The following MRNIP variants were observed in gnomAD, a reference collection of about 807,000 sequenced individuals.
The protein encoded by MRNIP is MRN complex interacting protein, also known as MRN complex-interacting protein.
MRNIP carries 30 observed loss-of-function variants against 29.8 expected under a neutral mutation model. The ratio of observed to expected loss-of-function variants is 1.01; its 90% CI spans 0.75 to 1.36. The LOEUF is 1.36. MRNIP is among the 40% of genes most tolerant of loss of function. The pLI is 0.00. For synonymous variants in MRNIP, 201 were observed against 164.1 expected (o/e 1.23, Z -1.72); for missense variants, 459 against 423.5 (o/e 1.08, Z -0.74).
chr5:179,852,076 T>C (rs779723683), intron 2 of MRNIP, among the ~76,000 whole-genome samples: 16 of 150,060 alleles, frequency 1.1e-4, no homozygotes, highest in Non-Finnish European at 2.2e-4. Flanking sequence ...AGGTCAGGAG[T>C]TCAAGACCAG....
At chr5:179,845,291 C>T (rs1759081127) in intron 3 of MRNIP, among the ~76,000 whole-genome samples, 1 of 151,960 alleles carries the variant, frequency 6.6e-6, no homozygotes, top group Non-Finnish European at 1.5e-5. Context: ...CCTCCGCCTC[C>T]TGGGTTCAAG....
chr5:179,854,396 C>G (rs1759498159), intron 1 of MRNIP, among the ~76,000 whole-genome samples: 1 of 152,214 alleles, frequency 6.6e-6, no homozygotes, highest in African/African-American at 2.4e-5. Flanking sequence ...TTTAGCGTAT[C>G]ATAATCATAA....
intron 3 of MRNIP, among the ~76,000 whole-genome samples, chr5:179,846,505 T>A (rs776948460): frequency 6.6e-6 from 1 of 152,028 alleles, no homozygotes; most frequent in Non-Finnish European, 1.5e-5. Context: ...ATGGTCTCGA[T>A]CTCTTGACCT....
At chr5:179,856,854 T>C (rs997637056) in intron 1 of MRNIP, among the ~76,000 whole-genome samples, 1 of 151,212 alleles carries the variant, frequency 6.6e-6, no homozygotes, top group Non-Finnish European at 1.5e-5. Flanking sequence ...CTTTGGGAGC[T>C]AAGGCGGGAA....
rs1332254629 is a variant in MRNIP, at chr5:179,858,734, G to C, written c.63C>G (p.His21Gln). ...RCCSCRLFQA[H>Q]QVKKSVKWTC... Reference sequence around the variant, plus strand: ...AGGGGGCTGGCACCCGCCAGACCTGGTGCGCCTGGAAGAGGCGGCAGCTGC... The same window carrying C: ...AGGGGGCTGGCACCCGCCAGACCTGCTGCGCCTGGAAGAGGCGGCAGCTGC... The change falls in exon 1 of 7, where the codon CAC becomes CAG. Residue 21 changes from histidine (H) to glutamine (Q), a missense_variant. Transcript: ENST00000292586. 3 of 1,520,648 alleles carry C rather than the reference G, an allele frequency of 2.0e-6. No individual in the cohort carries two copies. Among genetic ancestry groups the C allele is most frequent in the African/African-American group, 1.4e-5 (1 of 72,180 alleles). The allele number at this position is 1,520,648 out of a possible 1,614,324, so 94.2% of individuals were successfully genotyped here.
rs762957715 is a variant in MRNIP, at chr5:179,841,890, G to A, written c.449+17C>T. ...AGAGGCCCTGGGCCAGGGCTGGAAC[G>A]GAGACGCACTTGGTACCTTTTTCTA... is the stretch of plus-strand genomic sequence containing the variant. On this transcript the variant is annotated intron_variant, in intron 5 of 6. Coordinates refer to ENST00000292586, the MANE Select transcript of MRNIP (RefSeq NM_016175.4). The A allele has an allele frequency of 3.7e-6, 6 of 1,612,110 alleles. No homozygotes were observed. The highest frequency in any genetic ancestry group is 1.1e-5 in the South Asian group (1 of 90,936).
chr5:179,853,434 T>C lies in MRNIP; in HGVS notation c.70A>G (p.Lys24Glu), dbSNP rs1759453331. 1 of 1,609,246 alleles carries C rather than the reference T, an allele frequency of 6.2e-7. No homozygotes were observed. The highest frequency in any genetic ancestry group is 8.5e-7 in the Non-Finnish European group (1 of 1,177,666). The change falls in exon 2 of 7, where the codon AAA (lysine) becomes GAA (glutamate). Residue 24 changes from lysine to glutamate, a missense_variant. Lys to Glu is a moderately conservative substitution (Grantham distance 56, BLOSUM62 1). Transcript: ENST00000292586. ...TTGCATGTCCACTTGACACTCTTTT[T>C]TACCTGCAATGAAATTTCAGAAATA... The part of the protein sequence containing the change: ...SCRLFQAHQV[K>E]KSVKWTCKAC...
At chr5:179,849,863 A>C (rs1455016312) in intron 2 of MRNIP, among the ~76,000 whole-genome samples, 1 of 150,000 alleles carries the variant, frequency 6.7e-6, no homozygotes, top group East Asian at 2.0e-4. Flanking sequence ...GGAATTTGAG[A>C]GTACGGGTCC....
intron 2 of MRNIP, chr5:179,851,202 T>C (rs269459): frequency 0.031 from 14,155 of 454,640 alleles, 1,594 homozygotes; most frequent in African/African-American, 0.25. Context: ...AATATATACA[T>C]CTCAAACAAG....
At chr5:179,856,997 G>A (rs958424129) in intron 1 of MRNIP, among the ~76,000 whole-genome samples, 6 of 152,172 alleles carry the variant, frequency 3.9e-5, no homozygotes, top group African/African-American at 1.2e-4. Flanking sequence ...GGCTGAGGTG[G>A]ATCAGCTGAG....
intron 1 of MRNIP, among the ~76,000 whole-genome samples, chr5:179,854,618 C>T (rs1759507424): frequency 6.7e-6 from 1 of 149,642 alleles, no homozygotes; most frequent in East Asian, 2.1e-4. Flanking sequence ...CTCACAAAAC[C>T]AAATCCAAAC....
chr5:179,845,546 A>G (rs1759092686), intron 3 of MRNIP, among the ~76,000 whole-genome samples: 1 of 151,360 alleles, frequency 6.6e-6, no homozygotes, highest in South Asian at 2.1e-4. Context: ...GCCTCACTTG[A>G]GCCTGGGAGG....
chr5:179,837,447 G>GT lies in MRNIP; in HGVS notation c.975dup (p.Pro326ThrfsTer6), dbSNP rs764149779. 1.3e-4 allele frequency: 211 copies of GT among 1,611,348 alleles called. No homozygotes were observed. The highest frequency in any genetic ancestry group is 1.7e-4 in the Admixed American group (10 of 59,776). On this transcript the variant is annotated frameshift_variant, in exon 7 of 7. Coordinates refer to ENST00000292586, the MANE Select transcript of MRNIP (RefSeq NM_016175.4). LOFTEE classifies it high-confidence loss of function. ...ATAAAGAGGTCACATAGTCGTGTGG[G>GT]TCGAGGATTCTGTGCCTCCAGGACC... is the stretch of plus-strand genomic sequence containing the variant.
Position 179,853,434 on chromosome 5 carries a change from T to A in MRNIP, c.70A>T (p.Lys24Ter). The change falls in exon 2 of 7, where the codon AAA (lysine) becomes TAA (stop). Residue 24 changes from lysine (K) to a stop codon, truncating the protein, a stop_gained. Transcript: ENST00000292586. LOFTEE classifies it high-confidence loss of function. The stretch of plus-strand genomic sequence containing the variant: ...TTGCATGTCCACTTGACACTCTTTT[T>A]TACCTGCAATGAAATTTCAGAAATA... Reference protein sequence around the residue: ...SCRLFQAHQVKKSVKWTCKAC... With the variant: ...SCRLFQAHQV 6.2e-7 allele frequency: 1 copy of A among 1,609,364 alleles called. No individual in the cohort carries two copies. The highest frequency in any genetic ancestry group is 8.5e-7 in the Non-Finnish European group (1 of 1,177,658).
At chr5:179,857,554 C>T (rs1168819076) in intron 1 of MRNIP, among the ~76,000 whole-genome samples, 1 of 152,134 alleles carries the variant, frequency 6.6e-6, no homozygotes, top group Non-Finnish European at 1.5e-5. Flanking sequence ...TTTAAAAATG[C>T]AAATGATCTC....
Position 179,837,343 on chromosome 5 carries a change from T to C in MRNIP, c.*48A>G, listed in dbSNP as rs752454397. 1.3e-5 allele frequency: 21 copies of C among 1,584,112 alleles called. No individual in the cohort carries two copies. Among genetic ancestry groups the C allele is most frequent in the Non-Finnish European group, 1.5e-5 (17 of 1,164,908 alleles). ...CTTTAAAAGTGCCTTAGGGGAACCC[T>C]GTCCCTCCTAACAAGTGTATCTCGA... On this transcript the variant is annotated 3_prime_UTR_variant, in exon 7 of 7. Transcript: ENST00000292586.
rs187343930 is a variant in MRNIP at position 179,856,049 on chromosome 5, C to T, written c.67-2612G>A. ...TCAGCCTCCCAAGTAGCTGCGATTA[C>T]AGGTGCCCGCCACCACGACCTGTAT... On this transcript the variant is annotated intron_variant, in intron 1 of 6. Transcript: ENST00000292586. Among the ~76,000 whole-genome samples, 355 of 151,350 alleles carry T rather than the reference C, an allele frequency of 2.3e-3. 5 individuals carry two copies. The highest frequency in any genetic ancestry group is 8.3e-3 in the African/African-American group (341 of 41,202).
At chr5:179,858,428 C>G (rs437806) in intron 1 of MRNIP, among the ~76,000 whole-genome samples, 23,121 of 152,186 alleles carry the variant, frequency 0.15, 4,423 homozygotes, top group African/African-American at 0.45. Flanking sequence ...ACTGCGACAG[C>G]GCTACTTCGT....
intron 6 of MRNIP, chr5:179,838,246 T>C (rs1349089091): frequency 2.8e-5 from 8 of 286,232 alleles, no homozygotes; most frequent in Non-Finnish European, 5.3e-5. Context: ...TCCATTCTGC[T>C]ACCTCCCACC....
Sources: allele counts gnomAD v4.1 joint callset (sites outside exome capture counted in the v4.1 genomes callset), GRCh38; gene constraint gnomAD v4.1.1; transcripts MANE v1.5; gene names NCBI Gene and HGNC (gene_info 2026-07-23, HGNC 2026-07-21).